SHANK2: variants seen among roughly 807,000 people sequenced by gnomAD.
SHANK2 encodes the protein SH3 and multiple ankyrin repeat domains protein 2.
In SHANK2, 43 loss-of-function variants were observed where a neutral mutation model predicts 133.7. That is an observed-to-expected ratio of 0.32 (90% CI 0.25 to 0.41). The LOEUF (loss-of-function observed/expected upper bound fraction) is 0.41. Among genes scored for constraint, SHANK2 ranks in the 10% least tolerant of loss-of-function variants. SHANK2 has a pLI of 1.00. For missense variants in SHANK2, 1,994 were observed against 2,235.8 expected, an observed-to-expected ratio of 0.89 and a Z score of 2.18; for synonymous variants, 1,017 against 952.8, an observed-to-expected ratio of 1.07 and a Z score of -1.24.
Position 71,188,780 on chromosome 11 carries a change from A to G in SHANK2, c.-13+35917T>C, listed in dbSNP as rs1446540643. Among the ~76,000 whole-genome samples the G allele has an allele frequency of 2.0e-5, 3 of 152,196 alleles. No individual in the cohort carries two copies. The highest frequency in any genetic ancestry group is 7.2e-5 in the African/African-American group (3 of 41,438). On this transcript the variant is annotated intron_variant, in intron 2 of 25. Transcript: ENST00000601538. This position sits in a 1 kb window ranked among gnomAD's most constrained non-coding sequence, Gnocchi z 4.6. ...TGTGCTGGGTGCTGGCCTCACTGAG[A>G]TAACTACGACCACCTCCAAATGGAG...
At chr11:70,775,242 G>C (rs1013525663) in intron 14 of SHANK2, among the ~76,000 whole-genome samples, 17 of 152,168 alleles carry the variant, frequency 1.1e-4, no homozygotes, top group African/African-American at 4.1e-4. Flanking sequence ...CGGATCACAA[G>C]GTCAGGAGTT....
chr11:70,915,561 C>T (rs1004614794), intron 10 of SHANK2, among the ~76,000 whole-genome samples: 35 of 152,208 alleles, frequency 2.3e-4, no homozygotes, highest in African/African-American at 8.2e-4. Context: ...CAGGTCTGGC[C>T]GCCGAGCCCA....
intron 11 of SHANK2, among the ~76,000 whole-genome samples, chr11:70,894,744 C>T (rs963549657): frequency 5.9e-5 from 9 of 152,076 alleles, no homozygotes; most frequent in East Asian, 1.9e-4. Flanking sequence ...GTGGAGCTGG[C>T]GGGGGCTCTG....
chr11:70,903,609 C>G (rs1555077315), intron 10 of SHANK2, among the ~76,000 whole-genome samples: 1 of 152,068 alleles, frequency 6.6e-6, no homozygotes, highest in African/African-American at 2.4e-5. Context: ...GTAGAGGCAC[C>G]CAGGGCTTGT....
At chr11:70,836,201 C>T (rs937704356) in intron 11 of SHANK2, among the ~76,000 whole-genome samples, 6 of 152,232 alleles carry the variant, frequency 3.9e-5, no homozygotes, top group Admixed American at 2.0e-4. Flanking sequence ...TCTTTCTGAG[C>T]GGCTGCACAC....
rs189160789 is a variant in SHANK2, at chr11:71,250,817, C to G, written c.-113+1608G>C. Among the ~76,000 whole-genome samples the G allele has an allele frequency of 2.2e-3, 328 of 152,198 alleles. 1 individual carries two copies. The highest frequency in any genetic ancestry group is 7.5e-3 in the African/African-American group (313 of 41,510). ...CGCAGAACTTCCCTTGTGGCTGGGT[C>G]GGCAAAACCGAGGCCCACATCCCAG... On this transcript the variant is annotated intron_variant, in intron 1 of 25. Transcript: ENST00000601538.
chr11:71,132,329 C>T (rs1952328825), intron 3 of SHANK2, among the ~76,000 whole-genome samples: 1 of 152,124 alleles, frequency 6.6e-6, no homozygotes, highest in Admixed American at 6.5e-5. Flanking sequence ...GTATTGCCAC[C>T]CTCTGGATAA....
At chr11:70,934,578 C>T (rs1252058898) in intron 10 of SHANK2, among the ~76,000 whole-genome samples, 1 of 152,216 alleles carries the variant, frequency 6.6e-6, no homozygotes, top group Admixed American at 6.5e-5. Flanking sequence ...CCCCAGATAG[C>T]CTCTCCTGGC....
intron 11 of SHANK2, among the ~76,000 whole-genome samples, chr11:70,857,515 C>T (rs1949190291): frequency 6.6e-6 from 1 of 152,158 alleles, no homozygotes; most frequent in Non-Finnish European, 1.5e-5. Flanking sequence ...TCCTTTTCCT[C>T]AAGTGGCCTC....
chr11:71,166,786 ACTT>A (rs1272228449), intron 2 of SHANK2, among the ~76,000 whole-genome samples: 1 of 144,428 alleles, frequency 6.9e-6, no homozygotes, highest in Non-Finnish European at 1.5e-5. Context: ...CCGGGCCCAC[ACTT>A]CTTTTTTTTT....
Position 70,587,014 on chromosome 11 carries a change from C to T in SHANK2, c.2061+72814G>A, listed in dbSNP as rs1565154446. Among the ~76,000 whole-genome samples the T allele has an allele frequency of 2.0e-5, 3 of 152,308 alleles. No individual in the cohort carries two copies. The East Asian group carries it at 5.8e-4, about 29-fold the overall frequency. Reference sequence around the variant, plus strand: ...TTCTCCATGCACCGCTGGGCACATGCAGGAATACAGACACATGCCAGTGCT... The same window carrying T: ...TTCTCCATGCACCGCTGGGCACATGTAGGAATACAGACACATGCCAGTGCT... On this transcript the variant is annotated intron_variant, in intron 17 of 25. Transcript: ENST00000601538.
intron 9 of SHANK2, among the ~76,000 whole-genome samples, chr11:71,067,018 C>A (rs1296776437): frequency 6.6e-6 from 1 of 152,200 alleles, no homozygotes. Context: ...AACGGAGCGG[C>A]CTTTGACCAC....
intron 15 of SHANK2, among the ~76,000 whole-genome samples, chr11:70,690,731 C>T (rs1166206343): frequency 3.1e-5 from 4 of 129,414 alleles, no homozygotes; most frequent in Admixed American, 1.6e-4. Flanking sequence ...ACCAAAGGGT[C>T]GAGTGATAGT....
chr11:70,577,269 G>A (rs533926566), intron 17 of SHANK2, among the ~76,000 whole-genome samples: 24 of 152,292 alleles, frequency 1.6e-4, no homozygotes, highest in African/African-American at 4.6e-4. Flanking sequence ...TCAAAACCCC[G>A]AGCTCCAGGC....
intron 17 of SHANK2, among the ~76,000 whole-genome samples, chr11:70,542,289 G>A (rs1272322340): frequency 6.6e-6 from 1 of 152,142 alleles, no homozygotes; most frequent in African/African-American, 2.4e-5. Flanking sequence ...ATCCAGTGAC[G>A]GGTGCCCTTA....
At chr11:70,879,606 C>G (rs1164573229) in intron 11 of SHANK2, among the ~76,000 whole-genome samples, 2 of 152,222 alleles carry the variant, frequency 1.3e-5, no homozygotes, top group Non-Finnish European at 2.9e-5. Flanking sequence ...TACCCAGGTG[C>G]TTTTGCATAT....
chr11:70,918,312 G>A lies in SHANK2; in HGVS notation c.1108-21745C>T, dbSNP rs145185130. On this transcript the variant is annotated intron_variant, in intron 10 of 25. Coordinates refer to ENST00000601538, the MANE Select transcript of SHANK2 (RefSeq NM_012309.5). ...TACAAGGTCAGGTCAAGTCAGACGT[G>A]TACCCTCTCCACGGAGAGAGGCCGA... Among the ~76,000 whole-genome samples, 809 of 152,208 alleles carry A rather than the reference G, an allele frequency of 5.3e-3. 4 individuals are homozygous for A. Among genetic ancestry groups the A allele is most frequent in the African/African-American group, 0.019 (774 of 41,534 alleles).
chr11:70,658,208 A>AACACAC (rs782131753), intron 17 of SHANK2, among the ~76,000 whole-genome samples: 223 of 97,536 alleles, frequency 2.3e-3, no homozygotes, highest in Middle Eastern at 6.1e-3. Context: ...ACGCCCCCCC[A>AACACAC]ACACACACAC....
At chr11:71,086,442 ATATAT>A (rs1298048790) in intron 8 of SHANK2, among the ~76,000 whole-genome samples, 46 of 101,872 alleles carry the variant, frequency 4.5e-4, no homozygotes, top group South Asian at 2.5e-3. Flanking sequence ...TTTATAATTT[ATATAT>A]TATATTATAT....
Sources: gnomAD v4.1 joint callset for allele counts (sites outside exome capture counted in the v4.1 genomes callset) on GRCh38, gnomAD v4.1.1 for gene constraint, Gnocchi (gnomAD v3.1) non-coding constraint, MANE v1.5 for transcripts, NCBI Gene and HGNC (gene_info 2026-07-23, HGNC 2026-07-21) for gene names.